Variants in KCTD16 observed in about 807,000 individuals in gnomAD.
The protein encoded by KCTD16 is potassium channel tetramerization domain containing 16.
KCTD16 carries 13 observed loss-of-function variants against 33.2 expected under a neutral mutation model. The observed-to-expected ratio is 0.39, with a 90% CI of 0.25 to 0.62. KCTD16 has a LOEUF of 0.62. Ranked by LOEUF, KCTD16 falls within the 20% of genes least tolerant of loss-of-function variation. The probability of loss-of-function intolerance (pLI) is 0.50; values close to 1 mark genes in which losing one functional copy is unlikely to be tolerated. For synonymous variants in KCTD16, 197 were observed against 195.3 expected (o/e 1.01, Z -0.07); for missense variants, 441 against 525.1 (o/e 0.84, Z 1.57).
intron 3 of KCTD16, among the ~76,000 whole-genome samples, chr5:144,468,544 T>C (rs372789829): frequency 2.8e-4 from 42 of 152,338 alleles, no homozygotes; most frequent in African/African-American, 9.9e-4. Flanking sequence ...CAAACTTTTT[T>C]CAGAAGCTCT....
In KCTD16 at chr5:144,428,466, G is replaced by T. The variant is rs147278390; in HGVS notation, c.833-45194G>T. The stretch of plus-strand genomic sequence containing the variant: ...AATACATTTATTAAAACACCAATTA[G>T]ACCTTGCTTCCTCATCCATCACAAG... On this transcript the variant is annotated intron_variant, in intron 3 of 3. Transcript: ENST00000512467. 2.2e-4 allele frequency among the ~76,000 whole-genome samples: 33 copies of T among 152,268 alleles called. No individual in the cohort carries two copies. In the East Asian group the frequency reaches 6.4e-3, roughly 29 times the overall value.
At chr5:144,330,405 C>T (rs1372243165) in intron 3 of KCTD16, among the ~76,000 whole-genome samples, 2 of 116,856 alleles carry the variant, frequency 1.7e-5, no homozygotes, top group Non-Finnish European at 3.5e-5. Flanking sequence ...AAGAGCGAAA[C>T]TCCATCAAAA....
chr5:144,482,461 T>G lies in KCTD16; in HGVS notation c.*8347T>G, dbSNP rs1754722788. ...TCACTAGGGCAAGCTTCAGGAGAAG[T>G]AAAATAGGTGTATGAGCGTGTTTAT... is the stretch of plus-strand genomic sequence containing the variant. On this transcript the variant is annotated 3_prime_UTR_variant, in exon 4 of 4. Transcript: ENST00000512467. 6.6e-6 allele frequency: 1 copy of G among 151,852 alleles called. No individual in the cohort carries two copies. The highest frequency in any genetic ancestry group is 2.4e-5 in the African/African-American group (1 of 41,364). 9.4% of individuals were successfully genotyped at this position (151,852 alleles called of 1,614,324 possible).
intron 2 of KCTD16, among the ~76,000 whole-genome samples, chr5:144,189,013 C>T (rs1752785773): frequency 6.6e-6 from 1 of 152,144 alleles, no homozygotes; most frequent in South Asian, 2.1e-4. Context: ...CAGTAATTTG[C>T]AAACACATTG....
At chr5:144,255,844 A>T (rs887633930) in intron 3 of KCTD16, among the ~76,000 whole-genome samples, 4 of 152,224 alleles carry the variant, frequency 2.6e-5, no homozygotes, top group Admixed American at 2.6e-4. Flanking sequence ...TTTTAGAGAA[A>T]ATAAAACCTT....
At chr5:144,286,267 T>C (rs957077088) in intron 3 of KCTD16, among the ~76,000 whole-genome samples, 1 of 152,178 alleles carries the variant, frequency 6.6e-6, no homozygotes, top group Non-Finnish European at 1.5e-5. Context: ...ATATTTTTTT[T>C]CTCCAACTTA....
intron 3 of KCTD16, among the ~76,000 whole-genome samples, chr5:144,388,903 T>C (rs1303984621): frequency 6.6e-6 from 1 of 152,190 alleles, no homozygotes; most frequent in African/African-American, 2.4e-5. Flanking sequence ...TATGTACATA[T>C]ATGTGTCTTA....
At chr5:144,350,357 C>G (rs972483799) in intron 3 of KCTD16, among the ~76,000 whole-genome samples, 1 of 152,170 alleles carries the variant, frequency 6.6e-6, no homozygotes, top group African/African-American at 2.4e-5. Flanking sequence ...TAAATATTAT[C>G]TCATTCTTGT....
chr5:144,216,529 A>C (rs1407544632), intron 3 of KCTD16, among the ~76,000 whole-genome samples: 1 of 152,176 alleles, frequency 6.6e-6, no homozygotes, highest in Non-Finnish European at 1.5e-5. Flanking sequence ...CAACTCATTG[A>C]ACATAATTTG....
intron 3 of KCTD16, among the ~76,000 whole-genome samples, chr5:144,426,534 T>A (rs554830633): frequency 1.1e-4 from 16 of 152,262 alleles, no homozygotes; most frequent in East Asian, 1.9e-4. Context: ...GTGTTTTTTT[T>A]AAAAATAGTA....
At chr5:144,327,881 T>C (rs934881758) in intron 3 of KCTD16, among the ~76,000 whole-genome samples, 1 of 152,168 alleles carries the variant, frequency 6.6e-6, no homozygotes, top group South Asian at 2.1e-4. Flanking sequence ...TCCGATGTTA[T>C]AAACACTGCA....
At chr5:144,220,707 C>T (rs1380992849) in intron 3 of KCTD16, among the ~76,000 whole-genome samples, 2 of 151,992 alleles carry the variant, frequency 1.3e-5, no homozygotes, top group East Asian at 1.9e-4. Context: ...TTTGGGAGGC[C>T]GAGGCGGGTG....
At chr5:144,194,295 G>T (rs1211459689) in intron 2 of KCTD16, among the ~76,000 whole-genome samples, 1 of 152,198 alleles carries the variant, frequency 6.6e-6, no homozygotes, top group Admixed American at 6.5e-5. Context: ...CTGATAACTT[G>T]TCAAGTAGAA....
chr5:144,251,656 G>A (rs1340552978), intron 3 of KCTD16, among the ~76,000 whole-genome samples: 6 of 152,126 alleles, frequency 3.9e-5, no homozygotes, highest in African/African-American at 1.4e-4. Flanking sequence ...GGAGTTTCCT[G>A]ACCATTTACG....
chr5:144,210,724 T>G (rs1013572566), intron 3 of KCTD16, among the ~76,000 whole-genome samples: 5 of 152,146 alleles, frequency 3.3e-5, no homozygotes, highest in Non-Finnish European at 5.9e-5. Context: ...TGGAAATAAA[T>G]GAACCTTTAT....
chr5:144,199,805 C>T (rs1328341445), intron 2 of KCTD16, among the ~76,000 whole-genome samples: 1 of 148,894 alleles, frequency 6.7e-6, no homozygotes, highest in Non-Finnish European at 1.5e-5. Context: ...CAATCTCCGC[C>T]TTCCGGGTTC....
chr5:144,296,076 C>G (rs1410406635), intron 3 of KCTD16, among the ~76,000 whole-genome samples: 1 of 152,168 alleles, frequency 6.6e-6, no homozygotes, highest in African/African-American at 2.4e-5. Context: ...GGGACAAACT[C>G]CTGGTACTTC....
intron 3 of KCTD16, among the ~76,000 whole-genome samples, chr5:144,291,008 A>G (rs540251841): frequency 3.3e-5 from 5 of 152,238 alleles, no homozygotes; most frequent in African/African-American, 1.2e-4. Flanking sequence ...AATAATCCAG[A>G]AAAAGAGAAA....
chr5:144,239,561 C>A (rs1754344826), intron 3 of KCTD16, among the ~76,000 whole-genome samples: 1 of 152,072 alleles, frequency 6.6e-6, no homozygotes, highest in Admixed American at 6.6e-5. Flanking sequence ...CCTCTAAATT[C>A]CTAATGACTA....
Sources: allele counts gnomAD v4.1 joint callset (sites outside exome capture counted in the v4.1 genomes callset), GRCh38; gene constraint gnomAD v4.1.1; transcripts MANE v1.5; gene names NCBI Gene and HGNC (gene_info 2026-07-23, HGNC 2026-07-21).